The following FOXK1 variants were observed in gnomAD, a reference collection of about 807,000 sequenced individuals.
FOXK1 encodes the protein forkhead box K1.
FOXK1 carries 19 observed loss-of-function variants against 51.9 expected under a neutral mutation model. That is an observed-to-expected ratio of 0.37 (90% confidence interval 0.26 to 0.54). FOXK1 has a LOEUF of 0.54. Among genes scored for constraint, FOXK1 ranks in the 20% least tolerant of loss-of-function variants. The probability of loss-of-function intolerance (pLI) is 0.87; values close to 1 mark genes in which losing one functional copy is unlikely to be tolerated. For missense variants in FOXK1, 870 were observed against 1,032.7 expected, an observed-to-expected ratio of 0.84 and a Z score of 2.16; for synonymous variants, 537 against 482.6, an observed-to-expected ratio of 1.11 and a Z score of -1.48.
chr7:4,691,980 T>C (rs1472573462), intron 1 of FOXK1, among the ~76,000 whole-genome samples: 1 of 152,214 alleles, frequency 6.6e-6, no homozygotes, highest in African/African-American at 2.4e-5. Flanking sequence ...TATACTCTTA[T>C]ACTCCTACAC....
rs187511515 is a variant in FOXK1, at chr7:4,761,949, C to G, written c.1922-235C>G. Among the ~76,000 whole-genome samples, 1 of 152,138 alleles carries G rather than the reference C, an allele frequency of 6.6e-6. No individual in the cohort carries two copies. Among genetic ancestry groups the G allele is most frequent in the African/African-American group, 2.4e-5 (1 of 41,506 alleles). On this transcript the variant is annotated intron_variant, in intron 8 of 8. Coordinates refer to ENST00000328914, the MANE Select transcript of FOXK1 (RefSeq NM_001037165.2). The surrounding 1 kb of genome is among the most constrained non-coding windows in gnomAD (Gnocchi z 6.2). ...CCGTCGATGTCCAGCAGGATCTAGA[C>G]AGCAATGAGAGGGGCCTCCACCCAA...
At chr7:4,736,930 C>T (rs2115058516) in intron 1 of FOXK1, among the ~76,000 whole-genome samples, 1 of 152,280 alleles carries the variant, frequency 6.6e-6, no homozygotes, top group Middle Eastern at 3.4e-3. Context: ...AGAAGTCAAG[C>T]CTGGGAAGGC....
intron 1 of FOXK1, among the ~76,000 whole-genome samples, chr7:4,692,617 A>G (rs1035236703): frequency 6.6e-6 from 1 of 151,034 alleles, no homozygotes; most frequent in Non-Finnish European, 1.5e-5. Flanking sequence ...CTGGTCTCGA[A>G]CTCCTAACCT....
At chr7:4,728,468 C>T (rs1164581052) in intron 1 of FOXK1, among the ~76,000 whole-genome samples, 2 of 152,158 alleles carry the variant, frequency 1.3e-5, no homozygotes, top group African/African-American at 2.4e-5. Context: ...CCTGAGAGAA[C>T]TGCATGGTTA....
At chr7:4,724,428 T>C (rs116965318) in intron 1 of FOXK1, among the ~76,000 whole-genome samples, 5,885 of 152,300 alleles carry the variant, frequency 0.039, 195 homozygotes, top group Middle Eastern at 0.092. Context: ...ACTCCTGTTC[T>C]CAAGTGATCT....
chr7:4,736,213 A>G (rs1583201939), intron 1 of FOXK1, among the ~76,000 whole-genome samples: 1 of 152,186 alleles, frequency 6.6e-6, no homozygotes, highest in Non-Finnish European at 1.5e-5. Flanking sequence ...TAATGAGGCC[A>G]CCTGCCTCAG....
At chr7:4,720,863 C>T (rs1030803248) in intron 1 of FOXK1, among the ~76,000 whole-genome samples, 11 of 151,784 alleles carry the variant, frequency 7.2e-5, no homozygotes, top group Admixed American at 3.9e-4. Context: ...GAATTAGAGA[C>T]ATGCACCACC....
chr7:4,715,065 C>T lies in FOXK1; in HGVS notation c.561-25773C>T, dbSNP rs971520774. The stretch of plus-strand genomic sequence containing the variant: ...AGGCTTGGGGCGTAGCTTTTCTGAT[C>T]AGATGAGTTTCACGGCTTTAGTACA... On this transcript the variant is annotated intron_variant, in intron 1 of 8. Transcript: ENST00000328914. This position sits in a 1 kb window ranked among gnomAD's most constrained non-coding sequence, Gnocchi z 4.5. 6.6e-6 allele frequency among the ~76,000 whole-genome samples: 1 copy of T among 152,046 alleles called. No homozygotes were observed. The highest frequency in any genetic ancestry group is 1.5e-5 in the Non-Finnish European group (1 of 68,042).
chr7:4,698,258 T>G (rs1375876770), intron 1 of FOXK1, among the ~76,000 whole-genome samples: 1 of 152,152 alleles, frequency 6.6e-6, no homozygotes, highest in Non-Finnish European at 1.5e-5. Context: ...TGTTTAGCGT[T>G]TTCTCTATAT....
At chr7:4,746,526 A>G in intron 2 of FOXK1, among the ~76,000 whole-genome samples, 1 of 151,744 alleles carries the variant, frequency 6.6e-6, no homozygotes, top group South Asian at 2.1e-4. Context: ...AAAAAAAAAA[A>G]TTTTTTTGCT....
rs1205306308 is a variant in FOXK1 at position 4,761,027 on chromosome 7, G to T, written c.1697-37G>T. The T allele has an allele frequency of 6.3e-7, 1 of 1,578,336 alleles. No homozygotes were observed. The highest frequency in any genetic ancestry group is 8.7e-7 in the Non-Finnish European group (1 of 1,150,592). ...CGTCGAGGAAATCGATTGTCTCGTT[G>T]GCCGAGTGTGGTGCTGACTTGGTTC... is the stretch of plus-strand genomic sequence containing the variant. On this transcript the variant is annotated intron_variant, in intron 7 of 8. Coordinates refer to ENST00000328914, the MANE Select transcript of FOXK1 (RefSeq NM_001037165.2). The surrounding 1 kb of genome is among the most constrained non-coding windows in gnomAD (Gnocchi z 6.2).
intron 1 of FOXK1, among the ~76,000 whole-genome samples, chr7:4,694,850 GC>G (rs1562368708): frequency 6.6e-6 from 1 of 152,108 alleles, no homozygotes; most frequent in Non-Finnish European, 1.5e-5. Context: ...TGCCCAAGCC[GC>G]CCCGGGTGGG....
intron 1 of FOXK1, among the ~76,000 whole-genome samples, chr7:4,724,190 G>T (rs6463013): frequency 0.7 from 106,165 of 151,726 alleles, 37,505 homozygotes; most frequent in East Asian, 0.85. Flanking sequence ...TTTTGGGGGT[G>T]GTTGTTGTTG....
chr7:4,713,009 A>G (rs4132809), intron 1 of FOXK1, among the ~76,000 whole-genome samples: 64,794 of 151,782 alleles, frequency 0.43, 14,804 homozygotes, highest in African/African-American at 0.59. Flanking sequence ...GACCAGTGCC[A>G]GCAAAGGGGG....
rs1177411058 is a variant in FOXK1, at chr7:4,734,334, G to A, written c.561-6504G>A. Among the ~76,000 whole-genome samples, 1 of 152,176 alleles carries A rather than the reference G, an allele frequency of 6.6e-6. No individual in the cohort carries two copies. Among genetic ancestry groups the A allele is most frequent in the Non-Finnish European group, 1.5e-5 (1 of 68,030 alleles). On this transcript the variant is annotated intron_variant, in intron 1 of 8. Coordinates refer to ENST00000328914, the MANE Select transcript of FOXK1 (RefSeq NM_001037165.2). The surrounding 1 kb of genome is among the most constrained non-coding windows in gnomAD (Gnocchi z 5.2). ...TGTTTTCTGAGTCACTTTAAACTGT[G>A]CAAGATTTCCCGTTTCCCCTGGCTG...
chr7:4,720,080 C>T (rs1444652909), intron 1 of FOXK1, among the ~76,000 whole-genome samples: 1 of 152,260 alleles, frequency 6.6e-6, no homozygotes, highest in East Asian at 1.9e-4. Context: ...CTTCACCAAG[C>T]CCCAGGTCCT....
rs1415760730 is a variant in FOXK1, at chr7:4,729,624, C to A, written c.561-11214C>A. Among the ~76,000 whole-genome samples, 6 of 152,326 alleles carry A rather than the reference C, an allele frequency of 3.9e-5. No homozygotes were observed. The highest frequency in any genetic ancestry group is 1.4e-4 in the African/African-American group (6 of 41,564). On this transcript the variant is annotated intron_variant, in intron 1 of 8. Coordinates refer to ENST00000328914, the MANE Select transcript of FOXK1 (RefSeq NM_001037165.2). This position sits in a 1 kb window ranked among gnomAD's most constrained non-coding sequence, Gnocchi z 6.2. The stretch of plus-strand genomic sequence containing the variant: ...CTTGGCCGCCTCTGTGGGGCTCTAT[C>A]CTAATTCAGTGAGGTCTCTCGCCAC...
At chr7:4,695,716 C>T (rs1779942896) in intron 1 of FOXK1, among the ~76,000 whole-genome samples, 1 of 152,220 alleles carries the variant, frequency 6.6e-6, no homozygotes, top group Admixed American at 6.5e-5. Flanking sequence ...GTGGGAGGAT[C>T]ACCTGAGGTC....
chr7:4,726,636 C>T (rs994029184), intron 1 of FOXK1, among the ~76,000 whole-genome samples: 8 of 151,846 alleles, frequency 5.3e-5, no homozygotes, highest in Non-Finnish European at 1.0e-4. Context: ...AAAAAAAAAC[C>T]GTGCCTGGGC....
Sources: gnomAD v4.1 joint callset for allele counts (sites outside exome capture counted in the v4.1 genomes callset) on GRCh38, gnomAD v4.1.1 for gene constraint, Gnocchi (gnomAD v3.1) non-coding constraint, MANE v1.5 for transcripts, NCBI Gene and HGNC (gene_info 2026-07-23, HGNC 2026-07-21) for gene names.